DDX39B: variants seen among roughly 807,000 people sequenced by gnomAD.
DDX39B encodes the protein DExD-box helicase 39B.
In DDX39B, 6 loss-of-function variants were observed where a neutral mutation model predicts 46.4. The ratio of observed to expected loss-of-function variants is 0.13; its 90% CI spans 0.07 to 0.26. The LOEUF is 0.26. Ranked by LOEUF, DDX39B falls within the 10% of genes least tolerant of loss-of-function variation. The pLI is 1.00. For synonymous variants in DDX39B, 174 were observed against 199.4 expected, an observed-to-expected ratio of 0.87 and a Z score of 1.07; for missense variants, 185 against 553.4, an observed-to-expected ratio of 0.33 and a Z score of 6.68.
At chr6:31,541,577 A>C in intron 1 of DDX39B, 1 of 463,748 alleles carries the variant, frequency 2.2e-6, no homozygotes, top group Non-Finnish European at 4.5e-6. Context: ...CCGAGGGCCG[A>C]GAAAGAGCTC....
chr6:31,532,304 T>C (rs1408285702), intron 7 of DDX39B: 1 of 158,044 alleles, frequency 6.3e-6, no homozygotes, highest in Non-Finnish European at 1.4e-5. Context: ...AGTAGTGCAA[T>C]CATAGTTCAC....
chr6:31,540,428 G>C lies in DDX39B; in HGVS notation c.105C>G (p.Val35=), dbSNP rs1768275821. 1 of 1,614,054 alleles carries C rather than the reference G, an allele frequency of 6.2e-7. No homozygotes were observed. Among genetic ancestry groups the C allele is most frequent in the Non-Finnish European group, 8.5e-7 (1 of 1,180,036 alleles). Residue 35 remains valine (V), a synonymous_variant, in exon 2 of 11, where the codon GTC becomes GTG. Coordinates refer to ENST00000396172, the MANE Select transcript of DDX39B (RefSeq NM_004640.7). ...DGAEAPAKKD[V]KGSYVSIHSS... is the part of the protein sequence containing the mutation. ...TGTGGATGGAGACATAGGAGCCCTT[G>C]ACATCCTTCTTGGCAGGGGCCTCAG...
chr6:31,536,627 C>T lies in DDX39B; in HGVS notation c.489G>A (p.Lys163=). ...SIKKDEEVLK[K]NCPHIVVGTP... ...TCCCCACGACGATATGCGGGCAGTT[C>T]TTCTTCAGCACCTCTTCATCCTTCT... Residue 163 remains lysine, a synonymous_variant, in exon 5 of 11, where the codon AAG becomes AAA. Coordinates refer to ENST00000396172, the MANE Select transcript of DDX39B (RefSeq NM_004640.7). The T allele has an allele frequency of 1.2e-6, 2 of 1,613,176 alleles. No homozygotes were observed. Among genetic ancestry groups the T allele is most frequent in the South Asian group, 1.1e-5 (1 of 91,078 alleles).
chr6:31,535,075 C>T lies in DDX39B; in HGVS notation c.735+292G>A. The T allele has an allele frequency of 2.2e-6, 1 of 457,270 alleles. No homozygotes were observed. Among genetic ancestry groups the T allele is most frequent in the Non-Finnish European group, 4.0e-6 (1 of 247,970 alleles). The allele number at this position is 457,270 out of a possible 1,614,324, so 28.3% of individuals were successfully genotyped here. The stretch of plus-strand genomic sequence containing the variant: ...TGGGTGGTAGGGCAGAAAAATCCTG[C>T]CCTCCCCCAAAGGGAGAAGAGGTTC... On this transcript the variant is annotated intron_variant, in intron 6 of 10. Coordinates refer to ENST00000396172, the MANE Select transcript of DDX39B (RefSeq NM_004640.7). The surrounding 1 kb of genome is among the most constrained non-coding windows in gnomAD (Gnocchi z 4.6).
Position 31,530,370 on chromosome 6 carries a change from T to A in DDX39B, c.*64A>T. On this transcript the variant is annotated 3_prime_UTR_variant, in exon 11 of 11. Transcript: ENST00000396172. This position sits in a 1 kb window ranked among gnomAD's most constrained non-coding sequence, Gnocchi z 4.5. The stretch of plus-strand genomic sequence containing the variant: ...AGGGGTGGGGGCAGTAGTGTCTCCT[T>A]CACCCCCACCCTGGTGTCCTCTCCT... 6.3e-7 allele frequency: 1 copy of A among 1,599,570 alleles called. No homozygotes were observed. Among genetic ancestry groups the A allele is most frequent in the Non-Finnish European group, 8.5e-7 (1 of 1,170,180 alleles).
Position 31,531,724 on chromosome 6 carries a change from C to T in DDX39B, c.868-319G>A. 1 of 353,744 alleles carries T rather than the reference C, an allele frequency of 2.8e-6. No homozygotes were observed. Among genetic ancestry groups the T allele is most frequent in the Non-Finnish European group, 5.1e-6 (1 of 194,242 alleles). 21.9% of individuals were successfully genotyped at this position (353,744 alleles called of 1,614,324 possible). A position where few individuals can be genotyped will look rare whatever the true frequency, so the allele number is the denominator to read the frequency against. ...CTAGAATTAAGATCTGGAGGGGTAA[C>T]TGATATTCCTGCTCACCAAAACATT... On this transcript the variant is annotated intron_variant, in intron 7 of 10. Coordinates refer to ENST00000396172, the MANE Select transcript of DDX39B (RefSeq NM_004640.7). This position sits in a 1 kb window ranked among gnomAD's most constrained non-coding sequence, Gnocchi z 5.8.
In DDX39B at chr6:31,535,074, G is replaced by T. The variant is rs1023711054; in HGVS notation, c.735+293C>A. 2 of 459,632 alleles carry T rather than the reference G, an allele frequency of 4.4e-6. No homozygotes were observed. Among genetic ancestry groups the T allele is most frequent in the Non-Finnish European group, 8.0e-6 (2 of 249,304 alleles). 28.5% of individuals were successfully genotyped at this position (459,632 alleles called of 1,614,324 possible). A position where few individuals can be genotyped will look rare whatever the true frequency, so the allele number is the denominator to read the frequency against. On this transcript the variant is annotated intron_variant, in intron 6 of 10. Coordinates refer to ENST00000396172, the MANE Select transcript of DDX39B (RefSeq NM_004640.7). This position sits in a 1 kb window ranked among gnomAD's most constrained non-coding sequence, Gnocchi z 4.6. ...GTGGGTGGTAGGGCAGAAAAATCCT[G>T]CCCTCCCCCAAAGGGAGAAGAGGTT...
Position 31,539,176 on chromosome 6 carries a change from G to A in DDX39B, c.310C>T (p.Leu104=). 6.2e-7 allele frequency: 1 copy of A among 1,613,252 alleles called. No homozygotes were observed. The highest frequency in any genetic ancestry group is 8.5e-7 in the Non-Finnish European group (1 of 1,180,048). Residue 104 remains leucine, a synonymous_variant, in exon 3 of 11, where the codon CTG becomes TTG. Transcript: ENST00000396172. ...CCAGTAACTGGCTCCAGCTGTTGCA[G>A]TGTGGCCAAGACAAACACTGCTGTC... ...GKTAVFVLAT[L]QQLEPVTGQV...
rs1767192662 is a variant in DDX39B, at chr6:31,531,747, A to G, written c.868-342T>C. The G allele has an allele frequency of 1.3e-5, 4 of 306,454 alleles. No homozygotes were observed. Among genetic ancestry groups the G allele is most frequent in the Non-Finnish European group, 2.4e-5 (4 of 164,530 alleles). The allele number at this position is 306,454 out of a possible 1,614,324, so 19.0% of individuals were successfully genotyped here. A position where few individuals can be genotyped will look rare whatever the true frequency, so the allele number is the denominator to read the frequency against. ...AACTGATATTCCTGCTCACCAAAAC[A>G]TTAAACCTAAGGGAGCTATCCTAAT... is the stretch of plus-strand genomic sequence containing the variant. On this transcript the variant is annotated intron_variant, in intron 7 of 10. Transcript: ENST00000396172. The surrounding 1 kb of genome is among the most constrained non-coding windows in gnomAD (Gnocchi z 5.8).
chr6:31,541,590 G>T (rs774870237), intron 1 of DDX39B: 3 of 469,242 alleles, frequency 6.4e-6, no homozygotes, highest in Non-Finnish European at 1.3e-5. Flanking sequence ...AAGAGCTCAA[G>T]AAAGGACAAG....
chr6:31,539,243 C>T lies in DDX39B; in HGVS notation c.243G>A (p.Leu81=). 6.2e-7 allele frequency: 1 copy of T among 1,613,196 alleles called. No individual in the cohort carries two copies. The highest frequency in any genetic ancestry group is 8.5e-7 in the Non-Finnish European group (1 of 1,180,018). The change falls in exon 3 of 11, where the codon CTG becomes CTA. Residue 81 remains leucine, a synonymous_variant. Transcript: ENST00000396172. Reference sequence around the variant, plus strand: ...TGGCCTGGCACAGGACATCCATTCCCAGAATGGCCTGAGGGATGCACTCAT... The same window carrying T: ...TGGCCTGGCACAGGACATCCATTCCTAGAATGGCCTGAGGGATGCACTCAT... The part of the protein sequence containing the change: ...VQHECIPQAI[L]GMDVLCQAKS...
In DDX39B at chr6:31,540,678, A is replaced by AGG. The variant is rs1321808012; in HGVS notation, c.-132-15_-132-14insCC. ...CTAACAGAAGAGCTGGAGGGGGGAAAAAAAAAAGCAAGACTTAATCACGAG... is the reference window on the plus strand; with the variant it reads ...CTAACAGAAGAGCTGGAGGGGGGAAAGGAAAAAAAGCAAGACTTAATCACGAG... On this transcript the variant is annotated splice_polypyrimidine_tract_variant and intron_variant, in intron 1 of 10. Coordinates refer to ENST00000396172, the MANE Select transcript of DDX39B (RefSeq NM_004640.7). The AGG allele has an allele frequency of 1.1e-4, 74 of 690,224 alleles. No homozygotes were observed. The highest frequency in any genetic ancestry group is 7.2e-6 in the Non-Finnish European group (3 of 418,738). The allele number at this position is 690,224 out of a possible 1,614,324, so 42.8% of individuals were successfully genotyped here.
At position 31,534,124 on chromosome 6, in the gene DDX39B, C is replaced by A. The variant is rs1767503248; in HGVS notation, c.736-1213G>T. On this transcript the variant is annotated intron_variant, in intron 6 of 10. Transcript: ENST00000396172. This position sits in a 1 kb window ranked among gnomAD's most constrained non-coding sequence, Gnocchi z 5.1. ...CCCGGGCTCAAGCAAACCCTCCTGCCTCAGCTTCCCAAGTAGCTGGGACTA... is the reference window on the plus strand; with the variant it reads ...CCCGGGCTCAAGCAAACCCTCCTGCATCAGCTTCCCAAGTAGCTGGGACTA... 1 of 168,022 alleles carries A rather than the reference C, an allele frequency of 6.0e-6. No individual in the cohort carries two copies. Among genetic ancestry groups the A allele is most frequent in the East Asian group, 1.7e-4 (1 of 5,846 alleles). The allele number at this position is 168,022 out of a possible 1,614,324, so 10.4% of individuals were successfully genotyped here.
intron 4 of DDX39B, 41 bp downstream of exon 4, chr6:31,538,722 T>G (rs1265059692): frequency 6.4e-7 from 1 of 1,562,472 alleles, no homozygotes; most frequent in Non-Finnish European, 8.7e-7. Flanking sequence ...TCCCTCCAAC[T>G]TGCCACACCC....
intron 1 of DDX39B, 189 bp downstream of exon 1, chr6:31,541,761 C>A (rs1221104714): frequency 3.1e-6 from 2 of 644,280 alleles, no homozygotes; most frequent in African/African-American, 3.6e-5. Context: ...ATTGGGTCCC[C>A]CCTTAGCTTC....
chr6:31,538,317 G>A (rs913800682), intron 4 of DDX39B, among the ~76,000 whole-genome samples: 3 of 152,014 alleles, frequency 2.0e-5, no homozygotes, highest in Admixed American at 1.3e-4. Context: ...CACCATGCAC[G>A]GCTAATTTTT....
At position 31,535,499 on chromosome 6, in the gene DDX39B, G is replaced by A. The variant is rs1562413922; in HGVS notation, c.617-14C>T. On this transcript the variant is annotated splice_polypyrimidine_tract_variant and intron_variant, in intron 5 of 10. Transcript: ENST00000396172. This position sits in a 1 kb window ranked among gnomAD's most constrained non-coding sequence, Gnocchi z 4.6. The stretch of plus-strand genomic sequence containing the variant: ...CCCGACGCATGTCTACAAGAACAAG[G>A]AAAAAAATTGTAGGAGAAAATAAGC... 2 of 1,596,632 alleles carry A rather than the reference G, an allele frequency of 1.3e-6. No individual in the cohort carries two copies. The highest frequency in any genetic ancestry group is 1.3e-5 in the African/African-American group (1 of 74,310).
At chr6:31,541,348 G>A (rs568135234) in intron 1 of DDX39B, 2 of 382,832 alleles carry the variant, frequency 5.2e-6, no homozygotes, top group Non-Finnish European at 1.1e-5. Flanking sequence ...AAAGCTAATA[G>A]GTGACAGAGA....
chr6:31,538,892 T>C (rs1182515802), intron 3 of DDX39B, 37 bp from the exon 4 acceptor site: 30 of 1,591,546 alleles, frequency 1.9e-5, no homozygotes, highest in Non-Finnish European at 2.6e-5. Flanking sequence ...ATGGTAAATG[T>C]AGCTCTTCAT....
Sources: gnomAD v4.1 joint callset for allele counts (sites outside exome capture counted in the v4.1 genomes callset) on GRCh38, gnomAD v4.1.1 for gene constraint, Gnocchi (gnomAD v3.1) non-coding constraint, MANE v1.5 for transcripts, NCBI Gene and HGNC (gene_info 2026-07-23, HGNC 2026-07-21) for gene names.